Variants in MTREX observed in about 807,000 individuals in gnomAD.
MTREX encodes exosome RNA helicase MTR4.
MTREX carries 76 observed loss-of-function variants against 135.4 expected under a neutral mutation model. The observed-to-expected ratio is 0.56, with a 90% CI of 0.47 to 0.68. The LOEUF (loss-of-function observed/expected upper bound fraction) is 0.68, where lower values mean the gene tolerates loss of function less well. MTREX is among the 30% of genes least tolerant of loss of function. The pLI is 0.00. For missense variants in MTREX, 920 were observed against 1,262.1 expected (o/e 0.73, Z 4.11); for synonymous variants, 404 against 401.6 (o/e 1.01, Z -0.07).
At chr5:55,337,894 A>C (rs28696865) in intron 5 of MTREX, among the ~76,000 whole-genome samples, 20,600 of 150,988 alleles carry the variant, frequency 0.14, 1,723 homozygotes, top group East Asian at 0.26. Context: ...GCTTTCTTTG[A>C]GTTAGTTTTT....
At chr5:55,410,268 ATTG>A (rs1390242562) in intron 22 of MTREX, among the ~76,000 whole-genome samples, 1 of 152,120 alleles carries the variant, frequency 6.6e-6, no homozygotes, top group African/African-American at 2.4e-5. Context: ...AGGTTAAGAA[ATTG>A]TTCTTATTTC....
intron 8 of MTREX, 64 bp from the exon 9 acceptor site, chr5:55,344,458 G>T: frequency 1.9e-6 from 2 of 1,033,132 alleles, no homozygotes; most frequent in African/African-American, 1.6e-5. Context: ...TTTTAGGTTG[G>T]ACTAAGATAC....
At chr5:55,424,169 C>T (rs1419289312) in intron 26 of MTREX, 3 of 151,932 alleles carry the variant, frequency 2.0e-5, no homozygotes, top group Admixed American at 6.6e-5. Flanking sequence ...GACAGAGTTT[C>T]GCTCTTGTTG....
chr5:55,397,283 G>A, intron 19 of MTREX, 133 bp from the exon 20 acceptor site: 1 of 450,552 alleles, frequency 2.2e-6, no homozygotes. Context: ...GCTTCACGGT[G>A]ATTATTATGT....
At position 55,352,394 on chromosome 5, in the gene MTREX, T is replaced by TA. The variant is rs778322534; in HGVS notation, c.1432-768dup. Among the ~76,000 whole-genome samples, 8 of 152,266 alleles carry TA rather than the reference T, an allele frequency of 5.3e-5. 1 individual carries two copies. Among genetic ancestry groups the TA allele is most frequent in the Admixed American group, 1.3e-4 (2 of 15,292 alleles). On this transcript the variant is annotated intron_variant, in intron 13 of 26. Transcript: ENST00000230640. The stretch of plus-strand genomic sequence containing the variant: ...TGAGCCCTACTTTTTAAGGATCTTT[T>TA]AAAAAATACACAAGCAGTACTTGTT...
intron 9 of MTREX, 134 bp downstream of exon 9, chr5:55,344,754 G>A (rs767052905): frequency 7.2e-5 from 42 of 584,388 alleles, no homozygotes; most frequent in Middle Eastern, 4.0e-4. Context: ...TTAATCAATC[G>A]ATCTTGATTT....
At chr5:55,406,830 T>C (rs230781) in intron 22 of MTREX, among the ~76,000 whole-genome samples, 130,834 of 152,190 alleles carry the variant, frequency 0.86, 56,635 homozygotes, top group South Asian at 0.92. Context: ...TCTAGAAGAA[T>C]GTGGTATAGG....
rs1164497372 is a variant in MTREX at position 55,397,417 on chromosome 5, T to C, written c.2183T>C (p.Val728Ala). Reference protein sequence around the residue: ...AKPDEKGEMQVVPVLVHLLSA... With the variant: ...AKPDEKGEMQAVPVLVHLLSA... ...TACTGTATAACTTTTTGGTCATAGG[T>C]TGTCCCAGTTTTGGTGCATCTCCTG... Residue 728 changes from valine (V) to alanine (A), a missense_variant and splice_region_variant, in exon 20 of 27, where the codon GTT becomes GCT. Physicochemically the swap from Val to Ala is moderately conservative, Grantham distance 64. This residue lies in a region of MTREX where 467 missense variants were observed against 589.7 expected (regional missense o/e 0.79). Transcript: ENST00000230640. The C allele has an allele frequency of 6.2e-7, 1 of 1,605,434 alleles. No homozygotes were observed. The highest frequency in any genetic ancestry group is 1.1e-5 in the South Asian group (1 of 89,754).
intron 21 of MTREX, among the ~76,000 whole-genome samples, chr5:55,404,736 C>G (rs979990310): frequency 6.6e-6 from 1 of 151,930 alleles, no homozygotes; most frequent in Non-Finnish European, 1.5e-5. Flanking sequence ...CCAGCTCACT[C>G]TCCTCCTTCT....
chr5:55,329,206 A>T (rs1236296861), intron 5 of MTREX: 2 of 148,062 alleles, frequency 1.4e-5, no homozygotes, highest in Admixed American at 1.4e-4. Context: ...ATCTATTGAC[A>T]TGATTTTTTT....
chr5:55,378,165 A>T (rs567219672), intron 16 of MTREX, 149 bp from the exon 17 acceptor site: 4 of 861,312 alleles, frequency 4.6e-6, no homozygotes, highest in Non-Finnish European at 6.5e-6. Context: ...TTTTGGATAG[A>T]TGAACACATA....
At chr5:55,400,996 C>T (rs1286503356) in intron 21 of MTREX, among the ~76,000 whole-genome samples, 2 of 152,086 alleles carry the variant, frequency 1.3e-5, no homozygotes, top group African/African-American at 2.4e-5. Context: ...GTACTTCATT[C>T]CTTTTAAGGC....
chr5:55,351,362 A>G (rs1220746771), intron 13 of MTREX, among the ~76,000 whole-genome samples: 2 of 152,152 alleles, frequency 1.3e-5, no homozygotes, highest in Non-Finnish European at 2.9e-5. Context: ...GAGAAACCCC[A>G]TCTCTGCTAA....
chr5:55,410,868 A>C (rs1428975831), intron 23 of MTREX, among the ~76,000 whole-genome samples: 1 of 152,220 alleles, frequency 6.6e-6, no homozygotes, highest in African/African-American at 2.4e-5. Context: ...TTTAAGTTTT[A>C]AATTTGTTCT....
At chr5:55,354,092 C>T (rs1027371708) in intron 14 of MTREX, among the ~76,000 whole-genome samples, 5 of 152,154 alleles carry the variant, frequency 3.3e-5, no homozygotes, top group African/African-American at 1.2e-4. Flanking sequence ...ATTTAGTAAA[C>T]AATTACCAAA....
intron 16 of MTREX, among the ~76,000 whole-genome samples, chr5:55,378,013 T>A (rs60996392): frequency 0.14 from 20,908 of 150,108 alleles, 1,819 homozygotes; most frequent in East Asian, 0.26. Flanking sequence ...AAAAAAAAAA[T>A]CATAATGGGC....
chr5:55,347,696 A>G (rs1291387505), intron 11 of MTREX, among the ~76,000 whole-genome samples: 1 of 152,212 alleles, frequency 6.6e-6, no homozygotes, highest in Non-Finnish European at 1.5e-5. Flanking sequence ...GTCTTAGTCC[A>G]TTTTGTGTTG....
chr5:55,344,463 A>G lies in MTREX; in HGVS notation c.907-59A>G, dbSNP rs537148403. On this transcript the variant is annotated intron_variant, in intron 8 of 26. Coordinates refer to ENST00000230640, the MANE Select transcript of MTREX (RefSeq NM_015360.5). ...TCTTAAGATCTTTTAGGTTGGACTA[A>G]GATACAGTTTTATTTTGAGGAAATA... The G allele has an allele frequency of 1.7e-4, 189 of 1,110,066 alleles. No homozygotes were observed. The African/African-American group carries it at 2.5e-3, about 15-fold the overall frequency. The allele number at this position is 1,110,066 out of a possible 1,614,324, so 68.8% of individuals were successfully genotyped here. A position where few individuals can be genotyped will look rare whatever the true frequency, so the allele number is the denominator to read the frequency against.
intron 1 of MTREX, among the ~76,000 whole-genome samples, chr5:55,320,465 C>T (rs10072455): frequency 0.19 from 28,328 of 151,984 alleles, 2,681 homozygotes; most frequent in Admixed American, 0.19. Flanking sequence ...GATCTGCCCG[C>T]CTTGGCCTCC....
Sources: gnomAD v4.1 joint callset for allele counts (sites outside exome capture counted in the v4.1 genomes callset) on GRCh38, gnomAD v4.1.1 for gene constraint, gnomAD v4.1.1 regional missense constraint, MANE v1.5 for transcripts, NCBI Gene and HGNC (gene_info 2026-07-23, HGNC 2026-07-21) for gene names.